The following ATXN1 variants were observed in gnomAD, a reference collection of about 807,000 sequenced individuals.
The protein encoded by ATXN1 is ataxin-1.
Under a neutral mutation model 56.4 loss-of-function variants are expected in ATXN1, and 8 were observed. That is an observed-to-expected ratio of 0.14 (90% CI 0.08 to 0.26). The LOEUF (loss-of-function observed/expected upper bound fraction) is 0.26, where lower values mean the gene tolerates loss of function less well. Ranked by LOEUF, ATXN1 falls within the 10% of genes least tolerant of loss-of-function variation. ATXN1 has a pLI of 1.00. For missense variants in ATXN1, 987 were observed against 1,106.5 expected, an observed-to-expected ratio of 0.89 and a Z score of 1.53; for synonymous variants, 514 against 494.6, an observed-to-expected ratio of 1.04 and a Z score of -0.52.
intron 6 of ATXN1, among the ~76,000 whole-genome samples, chr6:16,477,006 C>G (rs1346013675): frequency 1.3e-5 from 2 of 152,190 alleles, no homozygotes; most frequent in Non-Finnish European, 2.9e-5. Context: ...TACAAAAACT[C>G]TTTTAGTCGT....
At position 16,371,716 on chromosome 6, in the gene ATXN1, A is replaced by ATTTATT. The variant is rs199939933; in HGVS notation, c.-160-43252_-160-43247dup. 8.7e-3 allele frequency among the ~76,000 whole-genome samples: 1,319 copies of ATTTATT among 151,352 alleles called. 16 individuals are homozygous for ATTTATT. Among genetic ancestry groups the ATTTATT allele is most frequent in the African/African-American group, 0.023 (945 of 41,124 alleles). On this transcript the variant is annotated intron_variant, in intron 6 of 7. Transcript: ENST00000436367. ...TACAGGCATGCCACTATGCCTGGTT[A>ATTTATT]TTTATTTTTATTTTTATTTTTATTT...
intron 2 of ATXN1, among the ~76,000 whole-genome samples, chr6:16,711,670 C>G (rs1759527834): frequency 6.6e-6 from 1 of 151,628 alleles, no homozygotes; most frequent in African/African-American, 2.4e-5. Context: ...GCTGGAAGTG[C>G]AGTGGCACCA....
intron 6 of ATXN1, among the ~76,000 whole-genome samples, chr6:16,383,843 C>A (rs1758184654): frequency 6.6e-6 from 1 of 152,164 alleles, no homozygotes; most frequent in African/African-American, 2.4e-5. Flanking sequence ...GAATGTAGTG[C>A]CAGCTACAGG....
chr6:16,566,852 T>C (rs1259437475), intron 4 of ATXN1, among the ~76,000 whole-genome samples: 1 of 98,318 alleles, frequency 1.0e-5, no homozygotes, highest in Non-Finnish European at 2.0e-5. Context: ...TGAGACTCCG[T>C]CTCAAAAACA....
chr6:16,537,344 C>T (rs1238873868), intron 4 of ATXN1, among the ~76,000 whole-genome samples: 3 of 152,098 alleles, frequency 2.0e-5, no homozygotes, highest in South Asian at 2.1e-4. Context: ...GTGATGCCAC[C>T]GACAGGGAGA....
At chr6:16,581,342 G>A (rs75453237) in intron 4 of ATXN1, among the ~76,000 whole-genome samples, 4,170 of 152,038 alleles carry the variant, frequency 0.027, 72 homozygotes, top group East Asian at 0.099. Context: ...GGTAGAGTAC[G>A]TGGTGGATGT....
chr6:16,644,409 G>C (rs781584137), intron 3 of ATXN1, among the ~76,000 whole-genome samples: 35 of 152,050 alleles, frequency 2.3e-4, no homozygotes, highest in Middle Eastern at 3.4e-3. Context: ...CAGCTACTCG[G>C]GAGGCCGAGG....
chr6:16,580,716 TA>T (rs1561765102), intron 4 of ATXN1, among the ~76,000 whole-genome samples: 1 of 152,214 alleles, frequency 6.6e-6, no homozygotes, highest in African/African-American at 2.4e-5. Context: ...TAAGTTATTT[TA>T]AAACTTTAAA....
At chr6:16,308,085 C>T (rs566722250) in intron 7 of ATXN1, among the ~76,000 whole-genome samples, 24 of 151,906 alleles carry the variant, frequency 1.6e-4, no homozygotes, top group African/African-American at 5.1e-4. Context: ...GTCCGGGGGA[C>T]GAAGGTTGCA....
At chr6:16,661,092 C>A (rs370583420) in intron 2 of ATXN1, among the ~76,000 whole-genome samples, 2 of 151,870 alleles carry the variant, frequency 1.3e-5, no homozygotes, top group South Asian at 2.1e-4. Context: ...CCGCTTTGAC[C>A]TCCCAAAGTG....
chr6:16,356,020 A>AT, intron 6 of ATXN1, among the ~76,000 whole-genome samples: 1 of 152,210 alleles, frequency 6.6e-6, no homozygotes, highest in Non-Finnish European at 1.5e-5. Context: ...CCCCGCGACC[A>AT]TTCTCCTCCT....
At chr6:16,756,428 G>A (rs562563001) in intron 1 of ATXN1, among the ~76,000 whole-genome samples, 7 of 152,232 alleles carry the variant, frequency 4.6e-5, no homozygotes, top group Admixed American at 1.3e-4. Context: ...AGTTCTATAT[G>A]TAAGGTCCTA....
At chr6:16,757,086 C>T (rs1760907826) in intron 1 of ATXN1, among the ~76,000 whole-genome samples, 1 of 152,198 alleles carries the variant, frequency 6.6e-6, no homozygotes, top group African/African-American at 2.4e-5. Flanking sequence ...GACTCCTAGG[C>T]AACTGACTTA....
At chr6:16,726,560 T>C (rs1056854375) in intron 2 of ATXN1, among the ~76,000 whole-genome samples, 8 of 152,018 alleles carry the variant, frequency 5.3e-5, no homozygotes, top group South Asian at 4.1e-4. Flanking sequence ...CACCCAATTA[T>C]GTATGACATA....
chr6:16,743,036 C>T (rs1452670122), intron 2 of ATXN1, among the ~76,000 whole-genome samples: 2 of 152,186 alleles, frequency 1.3e-5, no homozygotes, highest in Non-Finnish European at 2.9e-5. Flanking sequence ...ATGTTAAGAA[C>T]GTGAACCTCA....
intron 5 of ATXN1, among the ~76,000 whole-genome samples, chr6:16,510,128 G>A (rs1472933467): frequency 6.6e-6 from 1 of 151,928 alleles, no homozygotes; most frequent in African/African-American, 2.4e-5. Context: ...ATACTTATTT[G>A]TATACTTCTC....
At chr6:16,709,275 A>C (rs1302604895) in intron 2 of ATXN1, among the ~76,000 whole-genome samples, 1 of 152,196 alleles carries the variant, frequency 6.6e-6, no homozygotes, top group Non-Finnish European at 1.5e-5. Context: ...ATAAGAAGAA[A>C]GTATTACTAA....
chr6:16,382,919 G>C (rs1434773857), intron 6 of ATXN1, among the ~76,000 whole-genome samples: 1 of 151,932 alleles, frequency 6.6e-6, no homozygotes, highest in African/African-American at 2.4e-5. Context: ...GGAGTGGGGA[G>C]GGTGGAAGTG....
intron 2 of ATXN1, among the ~76,000 whole-genome samples, chr6:16,730,811 A>G (rs1162128738): frequency 6.6e-6 from 1 of 152,168 alleles, no homozygotes; most frequent in African/African-American, 2.4e-5. Context: ...GAAGTTAAAC[A>G]TGATTTATTC....
Sources: gnomAD v4.1 joint callset for allele counts (sites outside exome capture counted in the v4.1 genomes callset) on GRCh38, gnomAD v4.1.1 for gene constraint, MANE v1.5 for transcripts, NCBI Gene and HGNC (gene_info 2026-07-23, HGNC 2026-07-21) for gene names.